Variants in MGAT5B observed in about 807,000 individuals in gnomAD.
The protein encoded by MGAT5B is N-acetylglucosaminyl-transferase Vb.
In MGAT5B, 54 loss-of-function variants were observed where a neutral mutation model predicts 95.1. The observed-to-expected ratio is 0.57, with a 90% confidence interval of 0.46 to 0.71. MGAT5B has a LOEUF of 0.71. MGAT5B is among the 30% of genes least tolerant of loss of function. The pLI is 0.00. For synonymous variants in MGAT5B, 464 were observed against 451.0 expected (o/e 1.03, Z -0.36); for missense variants, 935 against 1,088.6 (o/e 0.86, Z 1.99).
chr17:76,873,345 C>T (rs1394828632), intron 2 of MGAT5B, among the ~76,000 whole-genome samples: 1 of 152,256 alleles, frequency 6.6e-6, no homozygotes, highest in Non-Finnish European at 1.5e-5. Context: ...GGGAACGGGC[C>T]TGGCCATGGG....
At chr17:76,931,707 G>A (rs1472352372) in intron 10 of MGAT5B, among the ~76,000 whole-genome samples, 1 of 152,178 alleles carries the variant, frequency 6.6e-6, no homozygotes, top group East Asian at 1.9e-4. Flanking sequence ...TGTCATTTCA[G>A]AGAAAAGACT....
chr17:76,940,356 G>A lies in MGAT5B; in HGVS notation c.1585-46G>A. ...CCGGCATCCTGGTGCTTACTGGGCT[G>A]TGGCGGCCCAGCCCTCCCTGATCAC... On this transcript the variant is annotated intron_variant, in intron 13 of 17. Transcript: ENST00000569840. The surrounding 1 kb of genome is among the most constrained non-coding windows in gnomAD (Gnocchi z 4.3). 6.5e-7 allele frequency: 1 copy of A among 1,528,448 alleles called. No individual in the cohort carries two copies. 94.7% of individuals were successfully genotyped at this position (1,528,448 alleles called of 1,614,324 possible).
At chr17:76,924,938 C>T (rs1362839005) in intron 8 of MGAT5B, 28 bp from the exon 9 acceptor site, 2 of 1,610,750 alleles carry the variant, frequency 1.2e-6, no homozygotes, top group Non-Finnish European at 1.7e-6. Context: ...TTTCTTGGGG[C>T]CCAGAATCTG....
chr17:76,893,100 G>A (rs1967938383), intron 3 of MGAT5B, among the ~76,000 whole-genome samples: 1 of 152,126 alleles, frequency 6.6e-6, no homozygotes, highest in Admixed American at 6.5e-5. Flanking sequence ...CTTGGTACCT[G>A]TGTGTTCTTC....
intron 8 of MGAT5B, among the ~76,000 whole-genome samples, chr17:76,919,131 C>G (rs1247999794): frequency 6.6e-6 from 1 of 152,228 alleles, no homozygotes; most frequent in Non-Finnish European, 1.5e-5. Context: ...GGATATTTTT[C>G]ATTGCCAGAA....
chr17:76,940,408 A>T lies in MGAT5B; in HGVS notation c.1591A>T (p.Ile531Phe). ...GCGCCCCTTGACTCTGCAGCTCTTC[A>T]TCGGGTTTGGCTTCCCCTACGAGGG... ...QQLLRKAKLF[I>F]GFGFPYEGPA... is the part of the protein sequence containing the mutation. Residue 531 changes from isoleucine (I) to phenylalanine (F), a missense_variant, in exon 14 of 18, where the codon ATC (isoleucine) becomes TTC (phenylalanine). Transcript: ENST00000569840. The surrounding 1 kb of genome is among the most constrained non-coding windows in gnomAD (Gnocchi z 4.3). 6.2e-7 allele frequency: 1 copy of T among 1,602,992 alleles called. No individual in the cohort carries two copies. The highest frequency in any genetic ancestry group is 8.5e-7 in the Non-Finnish European group (1 of 1,174,018).
chr17:76,903,441 C>T, intron 5 of MGAT5B, 65 bp downstream of exon 5: 1 of 1,393,664 alleles, frequency 7.2e-7, no homozygotes, highest in South Asian at 1.4e-5. Context: ...GCCCTGGCCC[C>T]TCACCCAGGC....
intron 16 of MGAT5B, 41 bp downstream of exon 16, chr17:76,946,491 C>A (rs745793119): frequency 6.6e-7 from 1 of 1,514,126 alleles, no homozygotes; most frequent in Admixed American, 1.9e-5. Flanking sequence ...TCCTGTCAGA[C>A]CAGAGGAGGG....
intron 3 of MGAT5B, among the ~76,000 whole-genome samples, chr17:76,894,568 A>G (rs1967997839): frequency 6.6e-6 from 1 of 152,116 alleles, no homozygotes; most frequent in African/African-American, 2.4e-5. Flanking sequence ...CATAGAAAAG[A>G]TTTTAGGCTG....
intron 8 of MGAT5B, among the ~76,000 whole-genome samples, chr17:76,922,723 G>A (rs753207370): frequency 1.7e-4 from 26 of 152,344 alleles, no homozygotes; most frequent in South Asian, 6.2e-4. Context: ...AGAGAATCCC[G>A]TGTGGCAGGT....
chr17:76,888,550 C>T (rs1266753347), intron 3 of MGAT5B, among the ~76,000 whole-genome samples: 6 of 152,158 alleles, frequency 3.9e-5, no homozygotes, highest in African/African-American at 9.7e-5. Context: ...TCAATATCCC[C>T]GTTAATTGAA....
In MGAT5B at chr17:76,912,274, G is replaced by A. The variant is rs906047102; in HGVS notation, c.1025+6087G>A. On this transcript the variant is annotated intron_variant, in intron 8 of 17. Coordinates refer to ENST00000569840, the MANE Select transcript of MGAT5B (RefSeq NM_001199172.2). The surrounding 1 kb of genome is among the most constrained non-coding windows in gnomAD (Gnocchi z 5.0). ...AACCCATAATAAGATGGCAACCACTGGGGGGCCCTGGGCAGAGTTCCCAGC... is the reference window on the plus strand; with the variant it reads ...AACCCATAATAAGATGGCAACCACTAGGGGGCCCTGGGCAGAGTTCCCAGC... Among the ~76,000 whole-genome samples the A allele has an allele frequency of 6.6e-6, 1 of 152,150 alleles. No homozygotes were observed. The highest frequency in any genetic ancestry group is 1.5e-5 in the Non-Finnish European group (1 of 68,024).
rs1294602451 is a variant in MGAT5B at position 76,918,169 on chromosome 17, C to G, written c.1026-6797C>G. On this transcript the variant is annotated intron_variant, in intron 8 of 17. Transcript: ENST00000569840. This position sits in a 1 kb window ranked among gnomAD's most constrained non-coding sequence, Gnocchi z 5.1. ...TGAGGATACGCTGCTCCCTCAGTTT[C>G]CCTTTCGGAGGCTCCCCCCCAACAA... 6.9e-6 allele frequency among the ~76,000 whole-genome samples: 1 copy of G among 145,442 alleles called. No homozygotes were observed. The highest frequency in any genetic ancestry group is 1.5e-5 in the Non-Finnish European group (1 of 67,116).
rs576730014 is a variant in MGAT5B, at chr17:76,912,928, C to T, written c.1025+6741C>T. On this transcript the variant is annotated intron_variant, in intron 8 of 17. Coordinates refer to ENST00000569840, the MANE Select transcript of MGAT5B (RefSeq NM_001199172.2). This position sits in a 1 kb window ranked among gnomAD's most constrained non-coding sequence, Gnocchi z 5.0. Reference sequence around the variant, plus strand: ...AGTTAAGCCTTTCCCTTCCTGCTTTCCTAGCATCAGCTGTGCTCATCAATT... The same window carrying T: ...AGTTAAGCCTTTCCCTTCCTGCTTTTCTAGCATCAGCTGTGCTCATCAATT... 6.6e-6 allele frequency among the ~76,000 whole-genome samples: 1 copy of T among 152,220 alleles called. No homozygotes were observed. The highest frequency in any genetic ancestry group is 2.1e-4 in the South Asian group (1 of 4,830).
intron 8 of MGAT5B, among the ~76,000 whole-genome samples, chr17:76,919,626 T>C (rs146748511): frequency 0.018 from 2,693 of 152,252 alleles, 97 homozygotes; most frequent in African/African-American, 0.062. Flanking sequence ...AGATGGGGTT[T>C]CGCCATGTCA....
chr17:76,893,316 C>T (rs748099043), intron 3 of MGAT5B, among the ~76,000 whole-genome samples: 13 of 152,240 alleles, frequency 8.5e-5, no homozygotes, highest in East Asian at 3.9e-4. Context: ...ATGGTAAATA[C>T]GTGTGTATGC....
At chr17:76,921,422 A>C (rs79628026) in intron 8 of MGAT5B, among the ~76,000 whole-genome samples, 1 of 151,866 alleles carries the variant, frequency 6.6e-6, no homozygotes, top group East Asian at 1.9e-4. Context: ...CAGGGTGTGC[A>C]TGGGGGAAGC....
rs775142158 is a variant in MGAT5B at position 76,905,307 on chromosome 17, G to A, written c.829G>A (p.Gly277Arg). Residue 277 changes from glycine (G) to arginine (R), a missense_variant, in exon 7 of 18, where the codon GGG (glycine) becomes AGG (arginine). Coordinates refer to ENST00000569840, the MANE Select transcript of MGAT5B (RefSeq NM_001199172.2). The surrounding 1 kb of genome is among the most constrained non-coding windows in gnomAD (Gnocchi z 4.2). ...TGCCCAGCGCCTGGCACAGAAGCTG[G>A]GGGCCACCCAGAGGGACCAGAAGCA... ...LAAQRLAQKL[G>R]ATQRDQKQIL... 3.1e-6 allele frequency: 5 copies of A among 1,599,792 alleles called. No individual in the cohort carries two copies. The highest frequency in any genetic ancestry group is 1.7e-5 in the Admixed American group (1 of 59,332).
rs752052918 is a variant in MGAT5B, at chr17:76,946,432, C to T, written c.1905C>T (p.His635=). The change falls in exon 16 of 18, where the codon CAC becomes CAT. Residue 635 remains histidine, a synonymous_variant. Coordinates refer to ENST00000569840, the MANE Select transcript of MGAT5B (RefSeq NM_001199172.2). ...YTCEGMLERI[H]AYIQHQDFCR... ...GCGAGGGGATGCTGGAGCGGATCCA[C>T]GCCTACATCCAGCACCAGGTCAGTG... The T allele has an allele frequency of 1.8e-5, 29 of 1,598,090 alleles. No homozygotes were observed. The highest frequency in any genetic ancestry group is 1.7e-4 in the Middle Eastern group (1 of 6,046).
Sources: allele counts gnomAD v4.1 joint callset (sites outside exome capture counted in the v4.1 genomes callset), GRCh38; gene constraint gnomAD v4.1.1; non-coding constraint Gnocchi (gnomAD v3.1); transcripts MANE v1.5; gene names NCBI Gene and HGNC (gene_info 2026-07-23, HGNC 2026-07-21).